Variants in UBR4 observed in about 807,000 individuals in gnomAD.
The protein encoded by UBR4 is E3 ubiquitin-protein ligase UBR4.
A neutral mutation model predicts 575.6 loss-of-function variants in UBR4; 124 were observed. The observed-to-expected ratio is 0.22, with a 90% CI of 0.19 to 0.25. The LOEUF is 0.25. Ranked by LOEUF, UBR4 falls within the 10% of genes least tolerant of loss-of-function variation. The pLI is 1.00. For missense variants in UBR4, 4,818 were observed against 6,478.8 expected (o/e 0.74, Z 8.80); for synonymous variants, 2,455 against 2,473.7 (o/e 0.99, Z 0.22).
intron 60 of UBR4, among the ~76,000 whole-genome samples, chr1:19,132,115 G>A: frequency 6.6e-6 from 1 of 152,072 alleles, no homozygotes; most frequent in East Asian, 1.9e-4. Context: ...CAAAATATGT[G>A]AGCTGCAGCC....
At chr1:19,103,774 T>C (rs991172763) in intron 87 of UBR4, among the ~76,000 whole-genome samples, 2 of 152,104 alleles carry the variant, frequency 1.3e-5, no homozygotes, top group African/African-American at 4.8e-5. Flanking sequence ...AGAAAGAGAA[T>C]ACAGCAGAGG....
chr1:19,187,273 G>T lies in UBR4; in HGVS notation c.1523C>A (p.Ala508Asp). The T allele has an allele frequency of 6.2e-7, 1 of 1,613,830 alleles. No individual in the cohort carries two copies. Among genetic ancestry groups the T allele is most frequent in the South Asian group, 1.1e-5 (1 of 91,066 alleles). ...GGTGCTCTGGGCCATAATGCTCAAG[G>T]CTGCAGGGGGGCCATCTGTCTCCCA... ...KGWETDGPPA[A>D]LSIMAQSTSI... Residue 508 changes from alanine (A) to aspartate (D), a missense_variant, in exon 13 of 106, where the codon GCC (alanine) becomes GAC (aspartate). Coordinates refer to ENST00000375254, the MANE Select transcript of UBR4 (RefSeq NM_020765.3).
chr1:19,154,401 A>G (rs1481986371), intron 44 of UBR4, among the ~76,000 whole-genome samples: 1 of 152,224 alleles, frequency 6.6e-6, no homozygotes, highest in Admixed American at 6.5e-5. Flanking sequence ...AAGGGAAGAC[A>G]CCATAAGCCT....
intron 25 of UBR4, among the ~76,000 whole-genome samples, chr1:19,171,844 C>T (rs1192717856): frequency 2.0e-5 from 3 of 151,798 alleles, no homozygotes; most frequent in Non-Finnish European, 4.4e-5. Flanking sequence ...GATTCCATCT[C>T]AAAACAAAAA....
At chr1:19,077,413 C>G (rs1265282425) in intron 104 of UBR4, among the ~76,000 whole-genome samples, 1 of 152,156 alleles carries the variant, frequency 6.6e-6, no homozygotes, top group Non-Finnish European at 1.5e-5. Context: ...GGAGCAGGCT[C>G]GGGAGCAGGT....
intron 1 of UBR4, among the ~76,000 whole-genome samples, chr1:19,208,466 CAAAAAAA>C (rs71030137): frequency 0.073 from 5,619 of 76,890 alleles, 345 homozygotes; most frequent in African/African-American, 0.22. Context: ...GAATCCATCT[CAAAAAAA>C]AAAAAAAAAA....
chr1:19,151,792 T>C lies in UBR4; in HGVS notation c.7064A>G (p.Gln2355Arg). Residue 2355 changes from glutamine to arginine, a missense_variant, in exon 48 of 106, where the codon CAG becomes CGG. Transcript: ENST00000375254. ...STMVMTGMRIQIGTQAIERAP... is the reference protein window; with the variant it reads ...STMVMTGMRIRIGTQAIERAP... ...CCGTTCTATTGCTTGAGTCCCAATC[T>C]GGATCCGCATGCCTGTCATCACCAT... The C allele has an allele frequency of 6.2e-7, 1 of 1,614,178 alleles. No individual in the cohort carries two copies. The highest frequency in any genetic ancestry group is 8.5e-7 in the Non-Finnish European group (1 of 1,180,012).
rs2080619183 is a variant in UBR4 at position 19,117,016 on chromosome 1, C to A, written c.10823+205G>T. The stretch of plus-strand genomic sequence containing the variant: ...GGAACTTCCACAGACCCCTATGGCT[C>A]CACTGGGCTAATTTAGAAATAATCT... On this transcript the variant is annotated intron_variant, in intron 73 of 105. Coordinates refer to ENST00000375254, the MANE Select transcript of UBR4 (RefSeq NM_020765.3). This position sits in a 1 kb window ranked among gnomAD's most constrained non-coding sequence, Gnocchi z 4.0. Among the ~76,000 whole-genome samples, 1 of 152,196 alleles carries A rather than the reference C, an allele frequency of 6.6e-6. No homozygotes were observed. The highest frequency in any genetic ancestry group is 6.5e-5 in the Admixed American group (1 of 15,284).
intron 53 of UBR4, 144 bp from the exon 54 acceptor site, chr1:19,145,051 C>T: frequency 2.3e-6 from 2 of 871,138 alleles, no homozygotes; most frequent in South Asian, 3.5e-5. Context: ...CACTCATTCA[C>T]ACACAGTAGC....
chr1:19,163,826 T>G lies in UBR4; in HGVS notation c.4702A>C (p.Lys1568Gln), dbSNP rs781376331. ...NAAVDWLSRCKKYLSQKNVVE... is the reference protein window; with the variant it reads ...NAAVDWLSRCQKYLSQKNVVE... ...ACATTCTTCTGTGACAGGTATTTCT[T>G]GCTGTCCCAAAGAAAAAAAAGAGGG... Residue 1568 changes from lysine to glutamine, a missense_variant and splice_region_variant, in exon 34 of 106, where the codon AAG becomes CAG. Lys to Gln is a moderately conservative substitution (Grantham distance 53, BLOSUM62 1). This residue lies in a region of UBR4 where 1,172 missense variants were observed against 1,259.7 expected (regional missense o/e 0.93). Coordinates refer to ENST00000375254, the MANE Select transcript of UBR4 (RefSeq NM_020765.3). 6.2e-7 allele frequency: 1 copy of G among 1,614,096 alleles called. No homozygotes were observed. The highest frequency in any genetic ancestry group is 2.2e-5 in the East Asian group (1 of 44,874).
At chr1:19,155,307 CAAAGAA>C in intron 43 of UBR4, 128 bp downstream of exon 43, 1 of 1,103,688 alleles carries the variant, frequency 9.1e-7, no homozygotes, top group Non-Finnish European at 1.3e-6. Flanking sequence ...GATGGAAAAA[CAAAGAA>C]AAAGAAAAAA....
intron 25 of UBR4, among the ~76,000 whole-genome samples, chr1:19,171,172 A>G (rs1286513291): frequency 6.6e-6 from 1 of 152,150 alleles, no homozygotes; most frequent in Non-Finnish European, 1.5e-5. Context: ...TTGACAATGT[A>G]TACAGTAAAG....
intron 99 of UBR4, 53 bp from the exon 100 acceptor site, chr1:19,086,874 A>G: frequency 6.2e-7 from 1 of 1,602,350 alleles, no homozygotes; most frequent in Non-Finnish European, 8.5e-7. Context: ...AGTCAGGCTC[A>G]GGAGAAGCAG....
At chr1:19,143,299 A>G (rs868000707) in intron 55 of UBR4, among the ~76,000 whole-genome samples, 5 of 115,070 alleles carry the variant, frequency 4.3e-5, no homozygotes, top group African/African-American at 1.4e-4. Flanking sequence ...AGAAAGAAAG[A>G]AAGAAAGAAA....
rs770689398 is a variant in UBR4 at position 19,193,448 on chromosome 1, T to G, written c.1128A>C (p.Thr376=). ...KEDDYESDAA[T]IVQKCLEIYD... is the part of the protein sequence containing the mutation. ...TTTGGCTTACACATTTCTGGACAAT[T>G]GTAGCTGCGTCACTTTCATAGTCAT... Residue 376 remains threonine, a synonymous_variant, in exon 9 of 106, where the codon ACA becomes ACC. Coordinates refer to ENST00000375254, the MANE Select transcript of UBR4 (RefSeq NM_020765.3). 1.2e-6 allele frequency: 2 copies of G among 1,614,158 alleles called. No homozygotes were observed. Among genetic ancestry groups the G allele is most frequent in the South Asian group, 1.1e-5 (1 of 91,080 alleles).
In UBR4 at chr1:19,157,740, T is replaced by G; in HGVS notation, c.5760+75A>C. ...TTCCCACAGAGGGCTAATCCGAATG[T>G]GGTCATCAATTTGTTTTGCTTAGCA... On this transcript the variant is annotated intron_variant, in intron 40 of 105. Transcript: ENST00000375254. This position sits in a 1 kb window ranked among gnomAD's most constrained non-coding sequence, Gnocchi z 4.4. The G allele has an allele frequency of 6.5e-7, 1 of 1,548,004 alleles. No individual in the cohort carries two copies. The highest frequency in any genetic ancestry group is 8.8e-7 in the Non-Finnish European group (1 of 1,139,076).
chr1:19,151,305 T>C, intron 48 of UBR4: 1 of 403,066 alleles, frequency 2.5e-6, no homozygotes, highest in South Asian at 2.6e-5. Flanking sequence ...ACCTGAGGTC[T>C]TCCTCTGTGC....
Position 19,161,054 on chromosome 1 carries a change from G to T in UBR4, c.5269C>A (p.Arg1757Ser), listed in dbSNP as rs369538801. Residue 1757 changes from arginine to serine, a missense_variant, in exon 38 of 106, where the codon CGT (arginine) becomes AGT (serine). Physicochemically the swap from Arg to Ser is moderately radical, Grantham distance 110. Coordinates refer to ENST00000375254, the MANE Select transcript of UBR4 (RefSeq NM_020765.3). ...SEPRISESLV[R>S]HASTSSPADK... is the part of the protein sequence containing the mutation. ...GCTGGCGAGGAGGTGCTGGCATGAC[G>T]CACTAGACTCTCTGAAATCCTGGGT... is the stretch of plus-strand genomic sequence containing the variant. 3 of 1,614,098 alleles carry T rather than the reference G, an allele frequency of 1.9e-6. No individual in the cohort carries two copies.
At chr1:19,120,102 C>A in intron 69 of UBR4, 78 bp downstream of exon 69, 1 of 1,534,544 alleles carries the variant, frequency 6.5e-7, no homozygotes, top group South Asian at 1.2e-5. Context: ...CCATATGTAA[C>A]CGAAAACAAA....
Sources: gnomAD v4.1 joint callset for allele counts (sites outside exome capture counted in the v4.1 genomes callset) on GRCh38, gnomAD v4.1.1 for gene constraint, gnomAD v4.1.1 regional missense constraint, Gnocchi (gnomAD v3.1) non-coding constraint, MANE v1.5 for transcripts, NCBI Gene and HGNC (gene_info 2026-07-23, HGNC 2026-07-21) for gene names.